PRRX1: variants seen among roughly 807,000 people sequenced by gnomAD.
PRRX1 encodes the protein paired mesoderm homeobox protein 1.
PRRX1 carries 8 observed loss-of-function variants against 24.0 expected under a neutral mutation model. The observed-to-expected ratio is 0.33, with a 90% CI of 0.20 to 0.60. PRRX1 has a LOEUF of 0.60. Among genes scored for constraint, PRRX1 ranks in the 20% least tolerant of loss-of-function variants. The pLI is 0.82. For synonymous variants in PRRX1, 160 were observed against 131.7 expected (o/e 1.22, Z -1.47); for missense variants, 281 against 322.4 (o/e 0.87, Z 0.98).
chr1:170,664,088 C>CCT (rs58408113), upstream of PRRX1: 354 of 664,556 alleles, frequency 5.3e-4, no homozygotes, highest in African/African-American at 8.6e-4. Context: ...CCTCTTCCTC[C>CCT]CTCTCTCTCT....
At chr1:170,702,972 A>G (rs994009626) in intron 1 of PRRX1, among the ~76,000 whole-genome samples, 8 of 152,356 alleles carry the variant, frequency 5.3e-5, no homozygotes, top group Admixed American at 5.2e-4. Context: ...CAAGAGAAGA[A>G]CAGAAATATC....
intron 1 of PRRX1, among the ~76,000 whole-genome samples, chr1:170,678,685 C>T (rs753417506): frequency 6.6e-6 from 1 of 152,170 alleles, no homozygotes; most frequent in East Asian, 1.9e-4. Context: ...ACATGAAGCC[C>T]TTCCTCATCT....
rs549355654 is a variant in PRRX1 at position 170,737,125 on chromosome 1, C to A, written c.*939C>A. 2 of 172,534 alleles carry A rather than the reference C, an allele frequency of 1.2e-5. No individual in the cohort carries two copies. Among genetic ancestry groups the A allele is most frequent in the Admixed American group, 6.5e-5 (1 of 15,390 alleles). 10.7% of individuals were successfully genotyped at this position (172,534 alleles called of 1,614,324 possible). A position where few individuals can be genotyped will look rare whatever the true frequency, so the allele number is the denominator to read the frequency against. ...TGCCTTAAGGATAGTGAGATGCACACTTATATATATACTGTATATATTTAT... is the reference window on the plus strand; with the variant it reads ...TGCCTTAAGGATAGTGAGATGCACAATTATATATATACTGTATATATTTAT... On this transcript the variant is annotated 3_prime_UTR_variant, in exon 4 of 4. Coordinates refer to ENST00000239461, the MANE Select transcript of PRRX1 (RefSeq NM_022716.4).
Position 170,667,494 on chromosome 1 carries a change from C to G in PRRX1, c.241+3035C>G, listed in dbSNP as rs1410216789. 2.0e-5 allele frequency: 3 copies of G among 152,204 alleles called. No homozygotes were observed. The East Asian group carries it at 5.8e-4, about 29-fold the overall frequency. 9.4% of individuals were successfully genotyped at this position (152,204 alleles called of 1,614,324 possible). A position where few individuals can be genotyped will look rare whatever the true frequency, so the allele number is the denominator to read the frequency against. ...GCAAGCGTCCAGGGGAACCCGCAAT[C>G]CTAGTTTTTGGGCTCCCATCAAGAG... On this transcript the variant is annotated intron_variant, in intron 1 of 3. Coordinates refer to ENST00000239461, the MANE Select transcript of PRRX1 (RefSeq NM_022716.4).
At chr1:170,709,152 T>A (rs904320922) in intron 1 of PRRX1, among the ~76,000 whole-genome samples, 1 of 152,162 alleles carries the variant, frequency 6.6e-6, no homozygotes, top group African/African-American at 2.4e-5. Context: ...TCATAAGTGT[T>A]ATAAAGCAAA....
At chr1:170,675,517 A>C (rs958585256) in intron 1 of PRRX1, among the ~76,000 whole-genome samples, 11 of 152,184 alleles carry the variant, frequency 7.2e-5, no homozygotes, top group African/African-American at 2.7e-4. Context: ...AAAATGATTT[A>C]CTATATAAAG....
At chr1:170,732,668 T>G (rs1466827821) in intron 3 of PRRX1, among the ~76,000 whole-genome samples, 1 of 152,158 alleles carries the variant, frequency 6.6e-6, no homozygotes, top group Non-Finnish European at 1.5e-5. Context: ...TTCTAAACAT[T>G]TGTTAAGAGG....
chr1:170,665,829 C>G (rs1326592358), intron 1 of PRRX1, among the ~76,000 whole-genome samples: 1 of 152,232 alleles, frequency 6.6e-6, no homozygotes, highest in Non-Finnish European at 1.5e-5. Flanking sequence ...CAAAAGCGGC[C>G]TAGGGCCGAT....
At chr1:170,676,790 T>C (rs1018289333) in intron 1 of PRRX1, among the ~76,000 whole-genome samples, 11 of 152,198 alleles carry the variant, frequency 7.2e-5, no homozygotes, top group African/African-American at 2.7e-4. Context: ...TATTATCTGG[T>C]GAAATCATAC....
At position 170,664,422 on chromosome 1, in the gene PRRX1, G is replaced by T. The variant is rs759679693; in HGVS notation, c.204G>T (p.Pro68=). The T allele has an allele frequency of 6.2e-7, 1 of 1,609,910 alleles. No homozygotes were observed. Among genetic ancestry groups the T allele is most frequent in the Non-Finnish European group, 8.5e-7 (1 of 1,178,650 alleles). Residue 68 remains proline (P), a synonymous_variant, in exon 1 of 4, where the codon CCG becomes CCT. Transcript: ENST00000239461. ...GEAGRSLLES[P]GLTSGSDTPQ... ...CTGGCCGGAGCCTGCTGGAGTCGCC[G>T]GGACTCACCAGCGGCAGCGACACCC...
intron 1 of PRRX1, among the ~76,000 whole-genome samples, chr1:170,678,075 T>A (rs1469060783): frequency 6.6e-6 from 1 of 152,242 alleles, no homozygotes; most frequent in East Asian, 1.9e-4. Flanking sequence ...TTACTTAACT[T>A]TTTGTACATG....
intron 1 of PRRX1, among the ~76,000 whole-genome samples, chr1:170,691,152 A>G (rs1269809549): frequency 6.6e-6 from 1 of 152,144 alleles, no homozygotes. Context: ...TTCCAGTGCC[A>G]ATCATAGACC....
intron 1 of PRRX1, among the ~76,000 whole-genome samples, chr1:170,716,038 A>G (rs139140997): frequency 2.6e-4 from 39 of 152,288 alleles, no homozygotes; most frequent in African/African-American, 8.2e-4. Context: ...TGGGCAAGTC[A>G]CGTTGTTCTT....
chr1:170,693,087 A>G (rs988747105), intron 1 of PRRX1, among the ~76,000 whole-genome samples: 1 of 152,014 alleles, frequency 6.6e-6, no homozygotes, highest in Non-Finnish European at 1.5e-5. Context: ...CTGTGACCCA[A>G]GCAATTCTGG....
At chr1:170,705,816 A>G (rs536199270) in intron 1 of PRRX1, among the ~76,000 whole-genome samples, 1 of 151,984 alleles carries the variant, frequency 6.6e-6, no homozygotes, top group Non-Finnish European at 1.5e-5. Flanking sequence ...GTTCCTTCTC[A>G]TGTGAGCAAT....
chr1:170,688,234 A>G (rs144934957), intron 1 of PRRX1, among the ~76,000 whole-genome samples: 158 of 152,210 alleles, frequency 1.0e-3, no homozygotes, highest in African/African-American at 3.7e-3. Context: ...GAATGTAAGG[A>G]AAACTAACAC....
intron 1 of PRRX1, among the ~76,000 whole-genome samples, chr1:170,683,834 C>CT (rs1231838035): frequency 1.3e-5 from 2 of 152,172 alleles, no homozygotes; most frequent in Admixed American, 6.5e-5. Flanking sequence ...GTCTTAGTCT[C>CT]TTCTTTTTAG....
intron 2 of PRRX1, among the ~76,000 whole-genome samples, chr1:170,723,828 T>C (rs1218293808): frequency 6.6e-6 from 1 of 152,238 alleles, no homozygotes; most frequent in Non-Finnish European, 1.5e-5. Context: ...AGCATATTAC[T>C]CTACTGAATA....
chr1:170,726,251 G>A lies in PRRX1; in HGVS notation c.449G>A (p.Arg150His), dbSNP rs753046896. Residue 150 changes from arginine to histidine, a missense_variant, in exon 3 of 4, where the codon CGC becomes CAC. Transcript: ENST00000239461. Reference sequence around the variant, plus strand: ...TTTCAGAACCGAAGAGCCAAGTTCCGCAGGAATGAGAGAGCCATGCTAGCC... The same window carrying A: ...TTTCAGAACCGAAGAGCCAAGTTCCACAGGAATGAGAGAGCCATGCTAGCC... ...VWFQNRRAKFRRNERAMLANK... is the reference protein window; with the variant it reads ...VWFQNRRAKFHRNERAMLANK... 6 of 1,613,884 alleles carry A rather than the reference G, an allele frequency of 3.7e-6. No individual in the cohort carries two copies. Among genetic ancestry groups the A allele is most frequent in the Non-Finnish European group, 5.1e-6 (6 of 1,179,964 alleles).
Sources: gnomAD v4.1 joint callset for allele counts (sites outside exome capture counted in the v4.1 genomes callset) on GRCh38, gnomAD v4.1.1 for gene constraint, MANE v1.5 for transcripts, NCBI Gene and HGNC (gene_info 2026-07-23, HGNC 2026-07-21) for gene names.